The following INTS15 variants were observed in gnomAD, a reference collection of about 807,000 sequenced individuals.
INTS15 encodes the protein integrator complex subunit 15, also known as uncharacterized protein C7orf26.
the INTS15 span, among the ~76,000 whole-genome samples, chr7:6,593,357 G>A: frequency 3.4e-5 from 5 of 145,198 alleles, no homozygotes; most frequent in East Asian, 1.0e-3. Context: ...TTGAGGCAGA[G>A]TCTTTCTCTG....
At chr7:6,607,856 G>A in the INTS15 span, 1 of 1,538,258 alleles carries the variant, frequency 6.5e-7, no homozygotes, top group Non-Finnish European at 8.7e-7. The surrounding 1 kb of genome is among the most constrained non-coding windows in gnomAD (Gnocchi z 6.0). Context: ...GCCTGTGTCG[G>A]TGCCTCTCCT....
At chr7:6,591,674 T>G in the INTS15 span, 1 of 1,614,240 alleles carries the variant, frequency 6.2e-7, no homozygotes, top group Non-Finnish European at 8.5e-7. Flanking sequence ...GAGCTTCAAC[T>G]TCTTGAAATC....
the INTS15 span, among the ~76,000 whole-genome samples, chr7:6,594,054 G>C: frequency 8.1e-6 from 1 of 123,578 alleles, no homozygotes; most frequent in African/African-American, 3.3e-5. Flanking sequence ...TGTTGCCCAC[G>C]CTGGAGTGCA....
the INTS15 span, chr7:6,608,146 C>A: frequency 6.6e-7 from 1 of 1,513,336 alleles, no homozygotes; most frequent in Non-Finnish European, 8.9e-7. Flanking sequence ...CCTTTCCCTT[C>A]AGGCCCATCC....
the INTS15 span, among the ~76,000 whole-genome samples, chr7:6,592,978 T>G: frequency 6.6e-6 from 1 of 152,056 alleles, no homozygotes; most frequent in Non-Finnish European, 1.5e-5. Flanking sequence ...ATGTGGCAGT[T>G]CACTGACTCT....
the INTS15 span, among the ~76,000 whole-genome samples, chr7:6,604,058 T>C: frequency 6.6e-6 from 1 of 152,138 alleles, no homozygotes; most frequent in African/African-American, 2.4e-5. Flanking sequence ...TGGCCTGTAG[T>C]GAATATCTAA....
At chr7:6,598,735 TTGTGTG>T in the INTS15 span, among the ~76,000 whole-genome samples, 846 of 83,584 alleles carry the variant, frequency 0.01, 3 homozygotes, top group Non-Finnish European at 0.013. Flanking sequence ...GCTGTATGCT[TTGTGTG>T]TGTGTGTGTG....
the INTS15 span, chr7:6,594,359 T>C: frequency 6.9e-7 from 1 of 1,459,414 alleles, no homozygotes; most frequent in Non-Finnish European, 9.5e-7. Flanking sequence ...CTGGAGGTGG[T>C]CACTGTGTGT....
chr7:6,608,027 TACCCCC>T, the INTS15 span: 7 of 1,600,270 alleles, frequency 4.4e-6, no homozygotes, highest in Admixed American at 3.3e-5. Context: ...CCCGGGGTTC[TACCCCC>T]ACATCCACAC....
chr7:6,590,327 G>A, the INTS15 span: 4 of 1,594,184 alleles, frequency 2.5e-6, no homozygotes, highest in African/African-American at 1.4e-5. Flanking sequence ...GATGCGCTGA[G>A]CGCCGCCAAG....
chr7:6,607,683 C>T, the INTS15 span: 4 of 1,521,364 alleles, frequency 2.6e-6, no homozygotes, highest in Admixed American at 6.0e-5. This position sits in a 1 kb window ranked among gnomAD's most constrained non-coding sequence, Gnocchi z 6.0. Flanking sequence ...CAGAGGCTGA[C>T]GTGGAGGCCA....
the INTS15 span, chr7:6,590,070 G>T: frequency 1.3e-5 from 4 of 302,976 alleles, no homozygotes; most frequent in African/African-American, 2.2e-5. Context: ...GGCTCCTGGC[G>T]GCGCCGCAGT....
At chr7:6,608,074 C>A in the INTS15 span, 4 of 1,582,576 alleles carry the variant, frequency 2.5e-6, no homozygotes, top group Non-Finnish European at 3.4e-6. Context: ...CTGTCCCGGC[C>A]CACCCCGCCG....
At chr7:6,590,643 A>C in the INTS15 span, among the ~76,000 whole-genome samples, 18 of 152,090 alleles carry the variant, frequency 1.2e-4, no homozygotes, top group African/African-American at 4.3e-4. Flanking sequence ...CGGGTCCTGC[A>C]GTGTTGCTCA....
At chr7:6,600,022 G>A in the INTS15 span, 1 of 1,614,186 alleles carries the variant, frequency 6.2e-7, no homozygotes, top group Non-Finnish European at 8.5e-7. Context: ...AAAGGAAAAA[G>A]AAGCCCCCCT....
At chr7:6,602,123 C>T in the INTS15 span, 14 of 1,613,288 alleles carry the variant, frequency 8.7e-6, no homozygotes, top group Admixed American at 1.7e-5. Flanking sequence ...CCTTGTGCTC[C>T]AGGCTGCCCC....
chr7:6,605,987 C>T, the INTS15 span, among the ~76,000 whole-genome samples: 1 of 152,306 alleles, frequency 6.6e-6, no homozygotes, highest in South Asian at 2.1e-4. Flanking sequence ...GTGTGAGCCA[C>T]CACGCCTGGC....
chr7:6,594,331 G>T, the INTS15 span: 3 of 1,157,326 alleles, frequency 2.6e-6, no homozygotes, highest in Admixed American at 4.0e-5. Context: ...TTTTGTCTTG[G>T]AAGTGGTTCT....
the INTS15 span, chr7:6,607,609 T>G: frequency 2.1e-6 from 3 of 1,406,174 alleles, no homozygotes; most frequent in East Asian, 1.1e-4. This position sits in a 1 kb window ranked among gnomAD's most constrained non-coding sequence, Gnocchi z 6.0. Context: ...TAGGGCGCGG[T>G]CATTCTCGGC....
Sources: allele counts gnomAD v4.1 joint callset (sites outside exome capture counted in the v4.1 genomes callset), GRCh38; gene constraint gnomAD v4.1.1; non-coding constraint Gnocchi (gnomAD v3.1); transcripts MANE v1.5; gene names NCBI Gene and HGNC (gene_info 2026-07-23, HGNC 2026-07-21).